LILRA6: variants seen among roughly 807,000 people sequenced by gnomAD.
LILRA6 encodes leukocyte immunoglobulin like receptor A6, also known as leukocyte immunoglobulin-like receptor subfamily A member 6.
A neutral mutation model predicts 53.9 loss-of-function variants in LILRA6; 16 were observed. The ratio of observed to expected loss-of-function variants is 0.30; its 90% CI spans 0.20 to 0.45. LILRA6 has a LOEUF of 0.45. Ranked by LOEUF, LILRA6 falls within the 20% of genes least tolerant of loss-of-function variation. LILRA6 has a pLI of 1.00. For missense variants in LILRA6, 306 were observed against 618.6 expected (o/e 0.49, Z 5.36); for synonymous variants, 135 against 256.4 (o/e 0.53, Z 4.52).
chr19:54,239,530 T>A, intron 7 of LILRA6: 1 of 727,320 alleles, frequency 1.4e-6, no homozygotes, highest in South Asian at 2.0e-5. Flanking sequence ...GTCCCAGAGC[T>A]CTCCTGGGTG....
exon 2 of LILRA6, chr19:54,242,527 A>C: frequency 9.3e-7 from 1 of 1,081,038 alleles, no homozygotes; most frequent in Non-Finnish European, 1.3e-6. Context: ...ACCTGCCTGC[A>C]CGTGGGTCCT....
exon 8 of LILRA6, chr19:54,238,862 G>A: frequency 6.5e-7 from 1 of 1,535,360 alleles, no homozygotes; most frequent in South Asian, 1.3e-5. Context: ...CCCCTCTGGA[G>A]GTCCTAGATT....
exon 4 of LILRA6, chr19:54,241,859 G>T (rs761409413): frequency 7.7e-7 from 1 of 1,295,432 alleles, no homozygotes; most frequent in South Asian, 1.6e-5. Context: ...GGGCTGAGAG[G>T]GTGGGTTTGC....
At chr19:54,238,192 C>G (rs1808301106), downstream of LILRA6, 1 of 150,512 alleles carries the variant, frequency 6.6e-6, no homozygotes, top group African/African-American at 2.5e-5. Flanking sequence ...CACCTGCCAC[C>G]ACGCCCAGCT....
exon 4 of LILRA6, chr19:54,241,638 T>C: frequency 2.7e-6 from 4 of 1,498,832 alleles, no homozygotes; most frequent in Non-Finnish European, 3.6e-6. Flanking sequence ...GTTCATATAA[T>C]AGTAATAGCA....
chr19:54,239,244 G>C, intron 7 of LILRA6, 155 bp from the exon 8 acceptor site: 1 of 1,535,344 alleles, frequency 6.5e-7, no homozygotes, highest in Non-Finnish European at 8.7e-7. Flanking sequence ...TTGTGATGGG[G>C]TGAGGGTCTC....
rs750487283 is a variant in LILRA6, at chr19:54,239,016, G to A, written c.1383C>T (p.Leu461=). 2.9e-5 allele frequency: 46 copies of A among 1,611,254 alleles called. 2 individuals are homozygous for A. Among genetic ancestry groups the A allele is most frequent in the South Asian group, 4.4e-5 (4 of 90,968 alleles). The change falls in exon 8 of 8, where the codon CTC becomes CTT. Residue 461 remains leucine (L), a synonymous_variant. Transcript: ENST00000396365. ...GCTGAGCCTCAAATAACAGAATCCC[G>A]AGGAACACCAGGACCAAGCCTGCCA...
Position 54,238,878 on chromosome 19 carries a change from C to G in LILRA6, c.*75G>C, listed in dbSNP as rs2147505309. ...CCCTCTGGAGGTCCTAGATTGTCCT[C>G]CAGAGCCTTCTGGGATCATCAGATC... On this transcript the variant is annotated 3_prime_UTR_variant, in exon 8 of 8. Coordinates refer to ENST00000396365, the Ensembl canonical transcript of LILRA6. The G allele has an allele frequency of 1.9e-6, 3 of 1,574,990 alleles. No individual in the cohort carries two copies. In the East Asian group the frequency reaches 6.8e-5, roughly 36 times the overall value.
In LILRA6 at chr19:54,241,976, C is replaced by A. The variant is rs772727957; in HGVS notation, c.355+50G>T. The stretch of plus-strand genomic sequence containing the variant: ...AGGGAGACACCCCTGAGAGCCGACC[C>A]CCTTCCTGAGGGCAGAGCCTGGGGC... On this transcript the variant is annotated intron_variant, in intron 3 of 7. Transcript: ENST00000396365. 5.4e-6 allele frequency: 7 copies of A among 1,306,448 alleles called. 1 individual carries two copies. Among genetic ancestry groups the A allele is most frequent in the Non-Finnish European group, 7.4e-6 (7 of 950,364 alleles). The allele number at this position is 1,306,448 out of a possible 1,614,324, so 80.9% of individuals were successfully genotyped here.
At chr19:54,239,455 G>T (rs547407444) in intron 7 of LILRA6, 2 of 619,806 alleles carry the variant, frequency 3.2e-6, no homozygotes, top group Non-Finnish European at 5.4e-6. Context: ...TTTCAACGCT[G>T]CTCCTGAGCC....
chr19:54,239,104 C>T lies in LILRA6; in HGVS notation c.1310-15G>A. The T allele has an allele frequency of 6.2e-7, 1 of 1,610,832 alleles. No homozygotes were observed. Among genetic ancestry groups the T allele is most frequent in the East Asian group, 2.2e-5 (1 of 44,740 alleles). On this transcript the variant is annotated splice_polypyrimidine_tract_variant and intron_variant, in intron 7 of 7. Transcript: ENST00000396365. ...GGCGTGTGAGGCTGGGGATGGTGGGCAAAGAGGTCACAGAGGTCCGGGCAG... is the reference window on the plus strand; with the variant it reads ...GGCGTGTGAGGCTGGGGATGGTGGGTAAAGAGGTCACAGAGGTCCGGGCAG...
exon 3 of LILRA6, chr19:54,242,067 C>T (rs2147543596): frequency 7.1e-7 from 1 of 1,409,066 alleles, no homozygotes; most frequent in Non-Finnish European, 9.6e-7. Context: ...CTCTGACCAG[C>T]CTGCAGAGCT....
At position 54,239,022 on chromosome 19, in the gene LILRA6, C is replaced by T. The variant is rs200376707; in HGVS notation, c.1377G>A (p.Val459=). 48 of 1,611,454 alleles carry T rather than the reference C, an allele frequency of 3.0e-5. 3 individuals are homozygous for T. The East Asian group carries it at 1.0e-3, about 34-fold the overall frequency. Residue 459 remains valine (V), a synonymous_variant, in exon 8 of 8, where the codon GTG becomes GTA. Transcript: ENST00000396365. ...CCTCAAATAACAGAATCCCGAGGAA[C>T]ACCAGGACCAAGCCTGCCATGCCCA...
chr19:54,239,728 T>G, intron 7 of LILRA6, 173 bp downstream of exon 7: 1 of 1,429,072 alleles, frequency 7.0e-7, no homozygotes, highest in African/African-American at 1.4e-5. Flanking sequence ...CGGCTCCTCC[T>G]CCTGGCTGGG....
exon 8 of LILRA6, chr19:54,239,080 G>A (rs1207198160): frequency 7.4e-6 from 12 of 1,611,236 alleles, no homozygotes; most frequent in East Asian, 4.5e-5. Flanking sequence ...GTAATCCTTG[G>A]CGTGTGAGGC....
intron 7 of LILRA6, 136 bp downstream of exon 7, chr19:54,239,765 C>A: frequency 1.3e-6 from 2 of 1,545,146 alleles, no homozygotes; most frequent in Non-Finnish European, 1.8e-6. Flanking sequence ...TGCCTTGAAC[C>A]CCCCACTCTT....
intron 7 of LILRA6, 36 bp from the exon 8 acceptor site, chr19:54,239,125 G>C (rs1215853177): frequency 5.6e-6 from 9 of 1,609,122 alleles, no homozygotes; most frequent in Non-Finnish European, 7.6e-6. Flanking sequence ...CAGAGGTCCG[G>C]GCAGATCAAC....
rs748681304 is a variant in LILRA6 at position 54,239,031 on chromosome 19, C to G, written c.1368G>C (p.Leu456Phe). The G allele has an allele frequency of 6.2e-7, 1 of 1,611,322 alleles. No homozygotes were observed. Among genetic ancestry groups the G allele is most frequent in the Non-Finnish European group, 8.5e-7 (1 of 1,179,490 alleles). Reference sequence around the variant, plus strand: ...ACAGAATCCCGAGGAACACCAGGACCAAGCCTGCCATGCCCATGCGGATGA... The same window carrying G: ...ACAGAATCCCGAGGAACACCAGGACGAAGCCTGCCATGCCCATGCGGATGA... The change falls in exon 8 of 8, where the codon TTG becomes TTC. Residue 456 changes from leucine to phenylalanine, a missense_variant. By Grantham distance (22) the Leu-to-Phe change is conservative. Transcript: ENST00000396365.
chr19:54,241,707 C>G (rs1431383375), exon 4 of LILRA6: 52 of 1,501,986 alleles, frequency 3.5e-5, no homozygotes, highest in Non-Finnish European at 4.7e-5. Context: ...GGCCTGGAAC[C>G]CCCCACTGTG....
Sources: allele counts gnomAD v4.1 joint callset, GRCh38; gene constraint gnomAD v4.1.1; transcripts MANE v1.5; gene names NCBI Gene and HGNC (gene_info 2026-07-23, HGNC 2026-07-21).